RTL1: variants seen among roughly 807,000 people sequenced by gnomAD.
The protein encoded by RTL1 is retrotransposon Gag like 1, also known as retrotransposon-like protein 1.
For synonymous variants in RTL1, 727 were observed against 748.4 expected (o/e 0.97, Z 0.47); for missense variants, 1,681 against 1,767.5 (o/e 0.95, Z 0.88).
At chr14:100,898,959 G>A (rs565066380) in intron 2 of RTL1, 1 of 152,370 alleles carries the variant, frequency 6.6e-6, no homozygotes, top group East Asian at 1.9e-4. Flanking sequence ...CTTTCTAGGA[G>A]CCCTGGGCTC....
Position 100,883,152 on chromosome 14 carries a change from C to T in RTL1, c.1637G>A (p.Arg546Lys). ...TCCGGGTAGCAGGCTCATGCCGTGC[C>T]TCTCTAGGGCAATGCATGGCGGGGG... ...RPPPPCIALE[R>K]HGMSLLPGLP... is the part of the protein sequence containing the mutation. Residue 546 changes from arginine (R) to lysine (K), a missense_variant, in exon 4 of 4, where the codon AGG (arginine) becomes AAG (lysine). Physicochemically the swap from Arg to Lys is conservative, Grantham distance 26 (BLOSUM62 2). Transcript: ENST00000649591. This position sits in a 1 kb window ranked among gnomAD's most constrained non-coding sequence, Gnocchi z 5.9. 6.2e-7 allele frequency: 1 copy of T among 1,604,836 alleles called. No homozygotes were observed. Among genetic ancestry groups the T allele is most frequent in the African/African-American group, 1.3e-5 (1 of 74,960 alleles).
In RTL1 at chr14:100,884,119, A is replaced by G; in HGVS notation, c.670T>C (p.Leu224=). Residue 224 remains leucine (L), a synonymous_variant, in exon 4 of 4, where the codon TTA becomes CTA. Coordinates refer to ENST00000649591, the MANE Select transcript of RTL1 (RefSeq NM_001134888.3). ...TAGAACATTCTTGGGTAGCTCTGTA[A>G]GGTCAGTTGGCAGAGTACGATGAAC... ...HEFIVLCQLT[L]QSYPRMFYND... 4 of 1,551,710 alleles carry G rather than the reference A, an allele frequency of 2.6e-6. No homozygotes were observed. The highest frequency in any genetic ancestry group is 3.5e-6 in the Non-Finnish European group (4 of 1,146,998).
chr14:100,880,649 G>A lies in RTL1; in HGVS notation c.*63C>T. The A allele has an allele frequency of 6.5e-7, 1 of 1,540,680 alleles. No individual in the cohort carries two copies. Among genetic ancestry groups the A allele is most frequent in the Non-Finnish European group, 8.8e-7 (1 of 1,142,232 alleles). ...AGGCTGAGGCGCGGGGAGGCCAGGGGACGTCGGGAGGTGTTGGGGTGAGAA... is the reference window on the plus strand; with the variant it reads ...AGGCTGAGGCGCGGGGAGGCCAGGGAACGTCGGGAGGTGTTGGGGTGAGAA... On this transcript the variant is annotated 3_prime_UTR_variant, in exon 4 of 4. Transcript: ENST00000649591.
intron 2 of RTL1, chr14:100,899,043 T>C (rs2038906546): frequency 6.6e-6 from 1 of 152,268 alleles, no homozygotes; most frequent in African/African-American, 2.4e-5. Flanking sequence ...GATGGGCAGA[T>C]GGGCAGTGTC....
intron 2 of RTL1, among the ~76,000 whole-genome samples, chr14:100,900,622 G>A (rs1346312588): frequency 2.6e-5 from 4 of 152,006 alleles, no homozygotes; most frequent in Non-Finnish European, 5.9e-5. Flanking sequence ...CTCCGTGTCC[G>A]GCAGGGGCTA....
intron 2 of RTL1, among the ~76,000 whole-genome samples, chr14:100,894,322 AAAAAGAAAAAAAAAG>A (rs1184371642): frequency 0.024 from 3,376 of 142,736 alleles, 101 homozygotes; most frequent in African/African-American, 0.078. Flanking sequence ...AAAAAAAAAA[AAAAAGAAAAAAAAAG>A]AAAAGAAAAA....
At chr14:100,889,659 C>G (rs548109944) in intron 3 of RTL1, 1 of 152,196 alleles carries the variant, frequency 6.6e-6, no homozygotes, top group African/African-American at 2.4e-5. Flanking sequence ...GCACGGTGCT[C>G]GATCCCCAAT....
Position 100,884,574 on chromosome 14 carries a change from T to C in RTL1, c.215A>G (p.Asp72Gly). 6.2e-7 allele frequency: 1 copy of C among 1,613,472 alleles called. No homozygotes were observed. The highest frequency in any genetic ancestry group is 8.5e-7 in the Non-Finnish European group (1 of 1,179,464). The change falls in exon 4 of 4, where the codon GAT becomes GGT. Residue 72 changes from aspartate (D) to glycine (G), a missense_variant. By Grantham distance (94) the Asp-to-Gly change is moderately conservative. Coordinates refer to ENST00000649591, the MANE Select transcript of RTL1 (RefSeq NM_001134888.3). Reference sequence around the variant, plus strand: ...TGGCTCCTCCATGTCTTGGAGTAGATCAGTGGGCAGCTCTTCCATTTCCTG... The same window carrying C: ...TGGCTCCTCCATGTCTTGGAGTAGACCAGTGGGCAGCTCTTCCATTTCCTG... ...PLQEMEELPTDLLQDMEEPSS... is the reference protein window; with the variant it reads ...PLQEMEELPTGLLQDMEEPSS...
rs1227416110 is a variant in RTL1, at chr14:100,883,927, C to T, written c.862G>A (p.Glu288Lys). 1.9e-6 allele frequency: 3 copies of T among 1,551,664 alleles called. No individual in the cohort carries two copies. Among genetic ancestry groups the T allele is most frequent in the Non-Finnish European group, 2.6e-6 (3 of 1,146,998 alleles). ...FEYRQALRVAEEAMFTIRQGG... is the reference protein window; with the variant it reads ...FEYRQALRVAKEAMFTIRQGG... ...TGCCTGATGGTGAACATGGCCTCTTCTGCCACACGCAGTGCCTGGCGGTAC... is the reference window on the plus strand; with the variant it reads ...TGCCTGATGGTGAACATGGCCTCTTTTGCCACACGCAGTGCCTGGCGGTAC... Residue 288 changes from glutamate to lysine, a missense_variant, in exon 4 of 4, where the codon GAA (glutamate) becomes AAA (lysine). Glu to Lys is a moderately conservative substitution (Grantham distance 56). Coordinates refer to ENST00000649591, the MANE Select transcript of RTL1 (RefSeq NM_001134888.3). The surrounding 1 kb of genome is among the most constrained non-coding windows in gnomAD (Gnocchi z 5.9).
chr14:100,896,663 G>A (rs2038860699), intron 2 of RTL1, among the ~76,000 whole-genome samples: 1 of 143,696 alleles, frequency 7.0e-6, no homozygotes, highest in South Asian at 2.5e-4. Context: ...GCTAGGGTGG[G>A]CAAAGGTTGC....
In RTL1 at chr14:100,883,784, C is replaced by T. The variant is rs527600815; in HGVS notation, c.1005G>A (p.Arg335=). Residue 335 remains arginine, a synonymous_variant, in exon 4 of 4, where the codon AGG becomes AGA. Transcript: ENST00000649591. The surrounding 1 kb of genome is among the most constrained non-coding windows in gnomAD (Gnocchi z 5.9). ...HLCQGLNEEI[R]HYLFRVPQPD... The stretch of plus-strand genomic sequence containing the variant: ...GCTGAGGGACCCGGAATAGATAGTG[C>T]CTGATCTCCTCGTTGAGCCCCTGGC... 109 of 1,551,662 alleles carry T rather than the reference C, an allele frequency of 7.0e-5. No individual in the cohort carries two copies. Among genetic ancestry groups the T allele is most frequent in the Middle Eastern group, 5.0e-4 (3 of 5,992 alleles).
rs1465081717 is a variant in RTL1, at chr14:100,884,306, T to C, written c.483A>G (p.Ala161=). The stretch of plus-strand genomic sequence containing the variant: ...TGGACCTCACCATGGCCATAAGTTC[T>C]GCGGTTGAGTGCTCGGTCTGGTTTT... The part of the protein sequence containing the change: ...QEQNQTEHST[A]ELMAMVRSII... Residue 161 remains alanine (A), a synonymous_variant, in exon 4 of 4, where the codon GCA becomes GCG. Coordinates refer to ENST00000649591, the MANE Select transcript of RTL1 (RefSeq NM_001134888.3). The C allele has an allele frequency of 6.4e-7, 1 of 1,551,144 alleles. No individual in the cohort carries two copies. Among genetic ancestry groups the C allele is most frequent in the African/African-American group, 1.4e-5 (1 of 72,962 alleles).
chr14:100,883,560 A>G lies in RTL1; in HGVS notation c.1229T>C (p.Phe410Ser). The change falls in exon 4 of 4, where the codon TTC becomes TCC. Residue 410 changes from phenylalanine (F) to serine (S), a missense_variant. Physicochemically the swap from Phe to Ser is radical, Grantham distance 155. Transcript: ENST00000649591. This position sits in a 1 kb window ranked among gnomAD's most constrained non-coding sequence, Gnocchi z 5.9. ...GTTCACTCTCACCATGAGCAGCAGG[A>G]AGAGGTGGGCGCGATTGATGTCCGG... is the stretch of plus-strand genomic sequence containing the variant. ...VHPDINRAHL[F>S]LLLMVRVNPY... The G allele has an allele frequency of 1.3e-6, 2 of 1,551,480 alleles. No individual in the cohort carries two copies. The highest frequency in any genetic ancestry group is 1.7e-6 in the Non-Finnish European group (2 of 1,146,978).
In RTL1 at chr14:100,881,510, T is replaced by A. The variant is rs960075411; in HGVS notation, c.3279A>T (p.Ala1093=). The A allele has an allele frequency of 6.4e-7, 1 of 1,551,654 alleles. No individual in the cohort carries two copies. Among genetic ancestry groups the A allele is most frequent in the Non-Finnish European group, 8.7e-7 (1 of 1,147,002 alleles). ...TCACGCGCAGTAGCACGAGGATGGC[T>A]GCCAGGGCTAGGGTGTTCTTCCAGT... The part of the protein sequence containing the change: ...LLYWKNTLAL[A]AILVLLRVRQ... The change falls in exon 4 of 4, where the codon GCA becomes GCT. Residue 1093 remains alanine, a synonymous_variant. Coordinates refer to ENST00000649591, the MANE Select transcript of RTL1 (RefSeq NM_001134888.3). This position sits in a 1 kb window ranked among gnomAD's most constrained non-coding sequence, Gnocchi z 6.6.
chr14:100,890,227 G>A (rs2038753419), intron 3 of RTL1, among the ~76,000 whole-genome samples: 1 of 151,958 alleles, frequency 6.6e-6, no homozygotes, highest in Non-Finnish European at 1.5e-5. Flanking sequence ...AGCCTCTGTC[G>A]GGTCAGCTCC....
rs1200968097 is a variant in RTL1 at position 100,881,341 on chromosome 14, G to A, written c.3448C>T (p.Pro1150Ser). 2.6e-6 allele frequency: 4 copies of A among 1,550,612 alleles called. No individual in the cohort carries two copies. Among genetic ancestry groups the A allele is most frequent in the Non-Finnish European group, 3.5e-6 (4 of 1,146,994 alleles). ...TAITQLLTQM[P>S]ALVGANTIPA... ...ATGGTGTTTGCACCTACGAGAGCGG[G>A]CATCTGGGTGAGCAGCTGGGTGATG... Residue 1150 changes from proline to serine, a missense_variant, in exon 4 of 4, where the codon CCC (proline) becomes TCC (serine). By Grantham distance (74) the Pro-to-Ser change is moderately conservative. Coordinates refer to ENST00000649591, the MANE Select transcript of RTL1 (RefSeq NM_001134888.3). The surrounding 1 kb of genome is among the most constrained non-coding windows in gnomAD (Gnocchi z 6.6).
rs769924231 is a variant in RTL1, at chr14:100,883,161, G to A, written c.1628C>T (p.Ala543Val). 8.8e-6 allele frequency: 14 copies of A among 1,597,652 alleles called. No individual in the cohort carries two copies. The highest frequency in any genetic ancestry group is 1.2e-5 in the Non-Finnish European group (14 of 1,170,212). ...CAGGCTCATGCCGTGCCTCTCTAGG[G>A]CAATGCATGGCGGGGGCGGGCGGAA... ...NCFRPPPPCI[A>V]LERHGMSLLP... The change falls in exon 4 of 4, where the codon GCC becomes GTC. Residue 543 changes from alanine to valine, a missense_variant. Ala to Val is a moderately conservative substitution (Grantham distance 64, BLOSUM62 0). Coordinates refer to ENST00000649591, the MANE Select transcript of RTL1 (RefSeq NM_001134888.3). This position sits in a 1 kb window ranked among gnomAD's most constrained non-coding sequence, Gnocchi z 5.9.
chr14:100,902,401 CT>C (rs1435119011), intron 2 of RTL1, among the ~76,000 whole-genome samples: 1 of 152,256 alleles, frequency 6.6e-6, no homozygotes, highest in East Asian at 1.9e-4. Context: ...GCCCTTTGCC[CT>C]GCTGTTCTGC....
At position 100,880,841 on chromosome 14, in the gene RTL1, C is replaced by T. The variant is rs1478882611; in HGVS notation, c.3948G>A (p.Arg1316=). ...TCAGGGTCAGGAACTGGCTCAGGGC[C>T]CTGGCTGCCTGCTCCCGGCTGAGCA... ...LHLLSREQAA[R]ALSQFLTLIY... is the part of the protein sequence containing the mutation. Residue 1316 remains arginine, a synonymous_variant, in exon 4 of 4, where the codon AGG becomes AGA. Transcript: ENST00000649591. The T allele has an allele frequency of 6.5e-7, 1 of 1,550,288 alleles. No homozygotes were observed. Among genetic ancestry groups the T allele is most frequent in the African/African-American group, 1.4e-5 (1 of 72,978 alleles).
Sources: gnomAD v4.1 joint callset for allele counts (sites outside exome capture counted in the v4.1 genomes callset) on GRCh38, gnomAD v4.1.1 for gene constraint, Gnocchi (gnomAD v3.1) non-coding constraint, MANE v1.5 for transcripts, NCBI Gene and HGNC (gene_info 2026-07-23, HGNC 2026-07-21) for gene names.